The following GNG4 variants were observed in gnomAD, a reference collection of about 807,000 sequenced individuals.
GNG4 encodes G protein subunit gamma 4, also known as guanine nucleotide-binding protein G(I)/G(S)/G(O) subunit gamma-4.
Under a neutral mutation model 5.8 loss-of-function variants are expected in GNG4, and 4 were observed. That is an observed-to-expected ratio of 0.69 (90% CI 0.34 to 1.57). The LOEUF is 1.57. GNG4 is among the 40% of genes most tolerant of loss of function. The pLI is 0.06. For synonymous variants in GNG4, 29 were observed against 32.9 expected (o/e 0.88, Z 0.41); for missense variants, 96 against 95.1 (o/e 1.01, Z -0.04).
chr1:235,588,790 CAGAATGGCCATT>C (rs1687891040), intron 2 of GNG4: 1 of 152,404 alleles, frequency 6.6e-6, no homozygotes, highest in Non-Finnish European at 1.5e-5. Context: ...TCTGTCTACA[CAGAATGGCCATT>C]AGCAGAGAAC....
intron 3 of GNG4, chr1:235,565,948 A>G (rs1351884414): frequency 1.3e-5 from 2 of 152,202 alleles, no homozygotes; most frequent in Non-Finnish European, 2.9e-5. Flanking sequence ...ATCTTCAGTC[A>G]ATGGAGTAAG....
At chr1:235,647,018 C>T (rs759604802) in intron 1 of GNG4, among the ~76,000 whole-genome samples, 6 of 152,136 alleles carry the variant, frequency 3.9e-5, no homozygotes, top group Non-Finnish European at 2.9e-5. Flanking sequence ...TTCAGTCTTT[C>T]GGTAGTATTA....
chr1:235,574,801 C>T (rs1007710055), intron 3 of GNG4, among the ~76,000 whole-genome samples: 6 of 151,996 alleles, frequency 3.9e-5, no homozygotes, highest in Admixed American at 1.3e-4. Context: ...TAATAACTGC[C>T]AGTATCTGTC....
At chr1:235,587,224 AGTGT>A (rs1180800150) in intron 2 of GNG4, among the ~76,000 whole-genome samples, 1 of 47,234 alleles carries the variant, frequency 2.1e-5, no homozygotes, top group African/African-American at 2.3e-4. Context: ...GGTGTGGGTG[AGTGT>A]GAGTGTGTGA....
At chr1:235,587,831 T>C (rs527980382) in intron 2 of GNG4, among the ~76,000 whole-genome samples, 1 of 125,318 alleles carries the variant, frequency 8.0e-6, no homozygotes, top group Non-Finnish European at 1.8e-5. Flanking sequence ...TCTCAGAGCA[T>C]GCGGGGTGAA....
At chr1:235,643,052 G>A (rs578207557) in intron 1 of GNG4, among the ~76,000 whole-genome samples, 3 of 152,164 alleles carry the variant, frequency 2.0e-5, no homozygotes, top group East Asian at 3.9e-4. Flanking sequence ...GGCACCCTTG[G>A]GCGTTATCCA....
chr1:235,599,604 T>C (rs1688209078), intron 1 of GNG4, among the ~76,000 whole-genome samples: 1 of 152,150 alleles, frequency 6.6e-6, no homozygotes, highest in South Asian at 2.1e-4. Flanking sequence ...GTGTGAGGCA[T>C]TGCACCCAGC....
At chr1:235,638,346 A>C (rs184291080) in intron 1 of GNG4, among the ~76,000 whole-genome samples, 25 of 152,282 alleles carry the variant, frequency 1.6e-4, no homozygotes, top group Non-Finnish European at 2.6e-4. Flanking sequence ...GGAGTTCAAA[A>C]GTCTGAAATG....
chr1:235,588,393 T>C lies in GNG4; in HGVS notation c.-10-4545A>G, dbSNP rs113761654. Among the ~76,000 whole-genome samples, 915 of 152,206 alleles carry C rather than the reference T, an allele frequency of 6.0e-3. 6 individuals carry two copies. The highest frequency in any genetic ancestry group is 0.021 in the African/African-American group (872 of 41,530). ...GGGGGCTGTGCTCTCCGACCCCAGC[T>C]TCTCCCTCAGCCCCTTCTCTGCTGC... On this transcript the variant is annotated intron_variant, in intron 2 of 3. Coordinates refer to ENST00000391854, the MANE Select transcript of GNG4 (RefSeq NM_001098722.2).
In GNG4 at chr1:235,552,073, A is replaced by G; in HGVS notation, c.*36T>C. The G allele has an allele frequency of 6.2e-7, 1 of 1,607,350 alleles. No homozygotes were observed. The highest frequency in any genetic ancestry group is 8.5e-7 in the Non-Finnish European group (1 of 1,174,492). The stretch of plus-strand genomic sequence containing the variant: ...GCATGGTCTCTACAGGGGACTTTGA[A>G]GGTCAGAAAAGGAGGCGTTTTCATC... On this transcript the variant is annotated 3_prime_UTR_variant, in exon 4 of 4. Transcript: ENST00000391854.
intron 2 of GNG4, among the ~76,000 whole-genome samples, chr1:235,592,951 T>A (rs1363143622): frequency 6.9e-6 from 1 of 144,884 alleles, no homozygotes; most frequent in Non-Finnish European, 1.5e-5. Flanking sequence ...TGTAACATTT[T>A]TTTTTTTTTT....
intron 3 of GNG4, among the ~76,000 whole-genome samples, chr1:235,567,483 G>T (rs1395854490): frequency 6.6e-6 from 1 of 151,958 alleles, no homozygotes. Context: ...CTTCCCCCAG[G>T]CCCTGGAGAA....
intron 2 of GNG4, among the ~76,000 whole-genome samples, chr1:235,589,282 G>A (rs1174056317): frequency 6.6e-6 from 1 of 152,160 alleles, no homozygotes; most frequent in Non-Finnish European, 1.5e-5. Context: ...GGTAGACAGG[G>A]GGAGCCAGGG....
chr1:235,555,748 G>A (rs1243776293), intron 3 of GNG4, among the ~76,000 whole-genome samples: 3 of 151,690 alleles, frequency 2.0e-5, no homozygotes, highest in Non-Finnish European at 2.9e-5. Flanking sequence ...TATTTATGGT[G>A]TACAACATGA....
At chr1:235,629,270 C>A (rs937866876) in intron 1 of GNG4, among the ~76,000 whole-genome samples, 1 of 152,066 alleles carries the variant, frequency 6.6e-6, no homozygotes, top group South Asian at 2.1e-4. Context: ...CCACCTTGGC[C>A]TCCCAAAGTG....
chr1:235,636,542 C>T (rs1481071787), intron 1 of GNG4, among the ~76,000 whole-genome samples: 2 of 152,188 alleles, frequency 1.3e-5, no homozygotes, highest in Admixed American at 6.5e-5. Context: ...ACGGTGCCCA[C>T]GCTGAGACCT....
intron 3 of GNG4, among the ~76,000 whole-genome samples, chr1:235,576,752 A>G (rs772640065): frequency 6.6e-6 from 1 of 152,132 alleles, no homozygotes; most frequent in Non-Finnish European, 1.5e-5. Flanking sequence ...TTCTCGATAA[A>G]TATTAAATGA....
At chr1:235,568,540 T>G (rs1258970483) in intron 3 of GNG4, among the ~76,000 whole-genome samples, 12 of 152,250 alleles carry the variant, frequency 7.9e-5, no homozygotes, top group Admixed American at 7.8e-4. Flanking sequence ...GCATTACATT[T>G]AAACTTCTGC....
chr1:235,593,646 G>A (rs1052794542), intron 2 of GNG4, among the ~76,000 whole-genome samples: 4 of 152,124 alleles, frequency 2.6e-5, no homozygotes, highest in Non-Finnish European at 4.4e-5. Flanking sequence ...GCTGATGTTC[G>A]GATATGTTTG....
Sources: allele counts gnomAD v4.1 joint callset (sites outside exome capture counted in the v4.1 genomes callset), GRCh38; gene constraint gnomAD v4.1.1; transcripts MANE v1.5; gene names NCBI Gene and HGNC (gene_info 2026-07-23, HGNC 2026-07-21).